Variants in SLIT2 observed in about 807,000 individuals in gnomAD.
SLIT2 encodes slit homolog 2 protein.
SLIT2 carries 41 observed loss-of-function variants against 185.7 expected under a neutral mutation model. The ratio of observed to expected loss-of-function variants is 0.22; its 90% CI spans 0.17 to 0.29. SLIT2 has a LOEUF of 0.29. SLIT2 is among the 10% of genes least tolerant of loss of function. The pLI is 1.00. For missense variants in SLIT2, 1,571 were observed against 1,909.0 expected (o/e 0.82, Z 3.30); for synonymous variants, 693 against 680.2 (o/e 1.02, Z -0.29).
intron 5 of SLIT2, among the ~76,000 whole-genome samples, chr4:20,472,225 TATATATATAG>T (rs1488691499): frequency 1.6e-5 from 2 of 124,642 alleles, no homozygotes; most frequent in Middle Eastern, 4.9e-3. Flanking sequence ...TGTGTGTGTA[TATATATATAG>T]ATCTATATAT....
intron 4 of SLIT2, among the ~76,000 whole-genome samples, chr4:20,348,510 A>T (rs1049258157): frequency 6.6e-6 from 1 of 151,960 alleles, no homozygotes; most frequent in Non-Finnish European, 1.5e-5. Context: ...TGGCCTCCCA[A>T]AGCGCTGGGA....
intron 4 of SLIT2, among the ~76,000 whole-genome samples, chr4:20,442,672 A>G (rs937553475): frequency 5.9e-5 from 9 of 152,182 alleles, no homozygotes; most frequent in Admixed American, 1.3e-4. Flanking sequence ...CTCAGTGAGT[A>G]ACATGGAGGA....
chr4:20,375,365 A>G (rs1161017273), intron 4 of SLIT2, among the ~76,000 whole-genome samples: 3 of 152,108 alleles, frequency 2.0e-5, no homozygotes, highest in African/African-American at 7.2e-5. Flanking sequence ...GAGATTTCCT[A>G]TAGCAAGGAA....
chr4:20,449,714 C>T (rs1348089933), intron 4 of SLIT2, among the ~76,000 whole-genome samples: 1 of 152,058 alleles, frequency 6.6e-6, no homozygotes, highest in African/African-American at 2.4e-5. Flanking sequence ...GCCAAAAAAA[C>T]ATTTTTTTTA....
chr4:20,600,711 G>T (rs2148965387), intron 33 of SLIT2, among the ~76,000 whole-genome samples: 1 of 152,064 alleles, frequency 6.6e-6, no homozygotes, highest in East Asian at 1.9e-4. Flanking sequence ...CATGTTTCTG[G>T]TGGTGGATCA....
chr4:20,354,028 G>C (rs1301324128), intron 4 of SLIT2, among the ~76,000 whole-genome samples: 4 of 152,050 alleles, frequency 2.6e-5, no homozygotes, highest in Non-Finnish European at 5.9e-5. Flanking sequence ...TCCAAAACCA[G>C]AGGAAACTGC....
At chr4:20,617,275 A>AAGGGGAGGGGACGGGAAGGGAGGGG in intron 35 of SLIT2, 77 bp downstream of exon 35, 1 of 987,998 alleles carries the variant, frequency 1.0e-6, no homozygotes, top group South Asian at 1.5e-5. Context: ...AGGAAAGAAG[A>AAGGGGAGGGGACGGGAAGGGAGGGG]AGGGGAGGGG....
chr4:20,353,422 A>G (rs1282396893), intron 4 of SLIT2, among the ~76,000 whole-genome samples: 1 of 152,222 alleles, frequency 6.6e-6, no homozygotes, highest in Non-Finnish European at 1.5e-5. Context: ...TAATTGTGAT[A>G]TAATAAAGCT....
chr4:20,557,404 A>G (rs1724354034), intron 26 of SLIT2, among the ~76,000 whole-genome samples: 1 of 152,024 alleles, frequency 6.6e-6, no homozygotes, highest in Non-Finnish European at 1.5e-5. Context: ...GCCCTTGATA[A>G]TTACGGTAAA....
intron 1 of SLIT2, chr4:20,255,180 C>A: frequency 5.1e-6 from 2 of 389,648 alleles, no homozygotes; most frequent in South Asian, 1.9e-5. Flanking sequence ...GGCCTCTTTG[C>A]CCCCGGGGTG....
chr4:20,503,607 G>C (rs970884408), intron 9 of SLIT2, among the ~76,000 whole-genome samples: 1 of 152,070 alleles, frequency 6.6e-6, no homozygotes, highest in Middle Eastern at 3.2e-3. Context: ...TCTATTGAGT[G>C]TATCTTTGTA....
intron 9 of SLIT2, 39 bp downstream of exon 9, chr4:20,491,938 C>T (rs146084803): frequency 1.3e-5 from 21 of 1,595,390 alleles, no homozygotes; most frequent in South Asian, 6.8e-5. Context: ...CCCACCTTCC[C>T]GGTGAACCAA....
chr4:20,552,679 A>C (rs1212612965), intron 25 of SLIT2: 1 of 152,064 alleles, frequency 6.6e-6, no homozygotes, highest in Non-Finnish European at 1.5e-5. Context: ...GGGCATTAAA[A>C]CTTCCACAGT....
At chr4:20,520,033 C>T (rs1436032640) in intron 12 of SLIT2, among the ~76,000 whole-genome samples, 1 of 68,384 alleles carries the variant, frequency 1.5e-5, no homozygotes, top group Non-Finnish European at 2.6e-5. Context: ...GACTCCGTCT[C>T]AAAAAAAAAA....
chr4:20,507,539 A>G (rs1396301074), intron 9 of SLIT2, among the ~76,000 whole-genome samples: 1 of 151,858 alleles, frequency 6.6e-6, no homozygotes, highest in African/African-American at 2.4e-5. Flanking sequence ...TAACTGCAAA[A>G]TAAGATTATT....
At position 20,317,450 on chromosome 4, in the gene SLIT2, T is replaced by A. The variant is rs916981106; in HGVS notation, c.395+48569T>A. Among the ~76,000 whole-genome samples the A allele has an allele frequency of 3.3e-5, 5 of 152,200 alleles. No individual in the cohort carries two copies. In the East Asian group the frequency reaches 9.7e-4, roughly 29 times the overall value. ...GTTTATTGAAATACATTCAATTATC[T>A]GAAACTTCTGTAGTCCTTAGAAGGC... On this transcript the variant is annotated intron_variant, in intron 4 of 36. Transcript: ENST00000504154.
chr4:20,600,659 G>A (rs1050364439), intron 33 of SLIT2, among the ~76,000 whole-genome samples: 1 of 151,708 alleles, frequency 6.6e-6, no homozygotes, highest in Admixed American at 6.6e-5. Flanking sequence ...CTCCAACCTC[G>A]TGATCCGTCC....
intron 4 of SLIT2, among the ~76,000 whole-genome samples, chr4:20,342,717 C>CTTTTTTTTTTTTT (rs11373611): frequency 5.7e-5 from 4 of 69,680 alleles, no homozygotes; most frequent in Non-Finnish European, 7.3e-5. Flanking sequence ...GACTATCGCA[C>CTTTTTTTTTTTTT]TTTTTTTTTT....
intron 34 of SLIT2, among the ~76,000 whole-genome samples, chr4:20,610,989 AAT>A (rs1423080323): frequency 6.6e-6 from 1 of 152,228 alleles, no homozygotes; most frequent in Non-Finnish European, 1.5e-5. Flanking sequence ...TGGAGGAACA[AAT>A]ATAAACTGGA....
Sources: allele counts gnomAD v4.1 joint callset (sites outside exome capture counted in the v4.1 genomes callset), GRCh38; gene constraint gnomAD v4.1.1; transcripts MANE v1.5; gene names NCBI Gene and HGNC (gene_info 2026-07-23, HGNC 2026-07-21).